NTRK2: variants seen among roughly 807,000 people sequenced by gnomAD.
NTRK2 encodes BDNF/NT-3 growth factors receptor.
Under a neutral mutation model 94.5 loss-of-function variants are expected in NTRK2, and 13 were observed. The ratio of observed to expected loss-of-function variants is 0.14; its 90% CI spans 0.09 to 0.22. NTRK2 has a LOEUF of 0.22. Among genes scored for constraint, NTRK2 ranks in the 10% least tolerant of loss-of-function variants. The probability of loss-of-function intolerance (pLI) is 1.00; values close to 1 mark genes in which losing one functional copy is unlikely to be tolerated. For missense variants in NTRK2, 639 were observed against 1,071.2 expected (o/e 0.60, Z 5.63); for synonymous variants, 372 against 407.4 (o/e 0.91, Z 1.05).
intron 2 of NTRK2, among the ~76,000 whole-genome samples, chr9:84,679,325 A>G (rs2059255122): frequency 6.6e-6 from 1 of 152,106 alleles, no homozygotes; most frequent in Non-Finnish European, 1.5e-5. Flanking sequence ...ACAGACATAT[A>G]TATACAAACA....
At chr9:85,008,589 G>A (rs1032319570) in intron 17 of NTRK2, among the ~76,000 whole-genome samples, 10 of 152,160 alleles carry the variant, frequency 6.6e-5, no homozygotes, top group Admixed American at 5.2e-4. Flanking sequence ...TCAGAGGTAA[G>A]ACGTAATAAG....
At chr9:84,699,958 C>T (rs2060623278) in intron 2 of NTRK2, among the ~76,000 whole-genome samples, 1 of 152,056 alleles carries the variant, frequency 6.6e-6, no homozygotes, top group Admixed American at 6.6e-5. Flanking sequence ...AGATGAGTGC[C>T]TTGTGCAGAT....
intron 12 of NTRK2, among the ~76,000 whole-genome samples, chr9:84,846,674 C>G (rs190670564): frequency 6.6e-6 from 1 of 152,196 alleles, no homozygotes; most frequent in Non-Finnish European, 1.5e-5. Context: ...GATGAATGCC[C>G]GTCTCTCCAG....
chr9:84,727,532 A>T (rs1428897554), intron 8 of NTRK2, 122 bp from the exon 9 acceptor site: 1 of 922,002 alleles, frequency 1.1e-6, no homozygotes, highest in Admixed American at 2.0e-5. Context: ...AGAGTTTCTG[A>T]TGATGTGTTT....
At chr9:84,942,872 A>G (rs547589146) in intron 15 of NTRK2, among the ~76,000 whole-genome samples, 1 of 152,240 alleles carries the variant, frequency 6.6e-6, no homozygotes, top group South Asian at 2.1e-4. Context: ...GACAGTGCAC[A>G]TCCAGAAGCC....
intron 15 of NTRK2, among the ~76,000 whole-genome samples, chr9:84,942,397 G>A (rs1261403922): frequency 1.3e-5 from 2 of 152,188 alleles, no homozygotes; most frequent in African/African-American, 4.8e-5. Flanking sequence ...TGTTCTAAAT[G>A]CGTGGTTAAT....
intron 16 of NTRK2, among the ~76,000 whole-genome samples, chr9:84,950,514 C>T (rs1248380960): frequency 6.6e-6 from 1 of 152,180 alleles, no homozygotes; most frequent in South Asian, 2.1e-4. Flanking sequence ...AGAGCCTCCA[C>T]CCCAGTTCGC....
At chr9:84,996,027 G>A (rs4636281) in intron 17 of NTRK2, among the ~76,000 whole-genome samples, 111,010 of 152,100 alleles carry the variant, frequency 0.73, 41,146 homozygotes, top group African/African-American at 0.82. Context: ...TCTTAAGTGT[G>A]ACAAGATGCT....
chr9:84,958,585 G>A (rs1400010788), intron 17 of NTRK2, among the ~76,000 whole-genome samples: 1 of 152,170 alleles, frequency 6.6e-6, no homozygotes. Context: ...CTCGGTTGCA[G>A]TTGTAGGGTT....
At chr9:84,902,481 C>T (rs1377978534) in intron 14 of NTRK2, among the ~76,000 whole-genome samples, 1 of 152,184 alleles carries the variant, frequency 6.6e-6, no homozygotes, top group South Asian at 2.1e-4. Flanking sequence ...GATGATTTTT[C>T]GTTCTCTGCT....
intron 14 of NTRK2, chr9:84,872,438 C>G: frequency 4.6e-6 from 5 of 1,075,734 alleles, no homozygotes; most frequent in South Asian, 4.3e-5. Context: ...TCTGTCTTCC[C>G]TAGAGCAGCC....
At chr9:84,815,258 G>A in intron 12 of NTRK2, 4 of 1,054,632 alleles carry the variant, frequency 3.8e-6, no homozygotes, top group South Asian at 4.6e-5. Flanking sequence ...CACCCAGAAT[G>A]TGTTGAACCA....
intron 12 of NTRK2, among the ~76,000 whole-genome samples, chr9:84,806,388 A>G (rs1254404020): frequency 6.6e-6 from 1 of 152,174 alleles, no homozygotes; most frequent in Non-Finnish European, 1.5e-5. Flanking sequence ...AGAAGGGATA[A>G]TATGTGGACA....
Position 84,731,813 on chromosome 9 carries a change from TC to T in NTRK2, c.1159+3858del, listed in dbSNP as rs202000016. Among the ~76,000 whole-genome samples the T allele has an allele frequency of 4.1e-3, 621 of 152,144 alleles. 13 individuals carry two copies. In the East Asian group the frequency reaches 0.044, roughly 11 times the overall value. On this transcript the variant is annotated intron_variant, in intron 9 of 18. Transcript: ENST00000277120. ...AAGAGAGCGGCCCAGCAAACCAAGA[TC>T]CCCGTGTAATGTATCTTGAGAGTGC...
intron 2 of NTRK2, among the ~76,000 whole-genome samples, chr9:84,696,828 A>G (rs1361371181): frequency 6.6e-6 from 1 of 152,112 alleles, no homozygotes; most frequent in Non-Finnish European, 1.5e-5. Flanking sequence ...GATTTAGATG[A>G]GTACATTGAT....
chr9:84,673,618 T>TTAGGG lies in NTRK2; in HGVS notation c.212+2660_212+2664dup, dbSNP rs560268032. On this transcript the variant is annotated intron_variant, in intron 2 of 18. Coordinates refer to ENST00000277120, the MANE Select transcript of NTRK2 (RefSeq NM_006180.6). ...ATCTATATATTAAACCATCATGCCCTTAGGGTTCTAAGAACACAAATAGTG... is the reference window on the plus strand; with the variant it reads ...ATCTATATATTAAACCATCATGCCCTTAGGGTAGGGTTCTAAGAACACAAATAGTG... 1.2e-3 allele frequency among the ~76,000 whole-genome samples: 186 copies of TTAGGG among 152,330 alleles called. 1 individual carries two copies. Among genetic ancestry groups the TTAGGG allele is most frequent in the African/African-American group, 4.3e-3 (180 of 41,576 alleles).
At chr9:84,781,583 C>T (rs983643011) in intron 12 of NTRK2, among the ~76,000 whole-genome samples, 5 of 151,994 alleles carry the variant, frequency 3.3e-5, no homozygotes, top group South Asian at 4.2e-4. Context: ...TTAACTTTGC[C>T]GGTTAAAAAC....
chr9:84,735,006 A>C (rs1456960822), intron 9 of NTRK2, among the ~76,000 whole-genome samples: 3 of 151,990 alleles, frequency 2.0e-5, no homozygotes, highest in African/African-American at 4.8e-5. Flanking sequence ...GACAAAACCA[A>C]TCTCCTGTCC....
At chr9:84,830,528 A>AGCAT in intron 12 of NTRK2, among the ~76,000 whole-genome samples, 1 of 146,930 alleles carries the variant, frequency 6.8e-6, no homozygotes, top group East Asian at 2.0e-4. Context: ...TATGTGTATG[A>AGCAT]GCATGCATGC....
Sources: allele counts gnomAD v4.1 joint callset (sites outside exome capture counted in the v4.1 genomes callset), GRCh38; gene constraint gnomAD v4.1.1; transcripts MANE v1.5; gene names NCBI Gene and HGNC (gene_info 2026-07-23, HGNC 2026-07-21).